Variants in ARFGEF2 observed in about 807,000 individuals in gnomAD.
ARFGEF2 encodes the protein ARF guanine nucleotide exchange factor 2.
A neutral mutation model predicts 219.9 loss-of-function variants in ARFGEF2; 74 were observed. That is an observed-to-expected ratio of 0.34 (90% CI 0.28 to 0.41). The LOEUF (loss-of-function observed/expected upper bound fraction) is 0.41. Among genes scored for constraint, ARFGEF2 ranks in the 10% least tolerant of loss-of-function variants. The probability of loss-of-function intolerance (pLI) is 1.00; values close to 1 mark genes in which losing one functional copy is unlikely to be tolerated. For missense variants in ARFGEF2, 1,743 were observed against 2,218.3 expected (o/e 0.79, Z 4.30); for synonymous variants, 733 against 799.2 (o/e 0.92, Z 1.40).
At chr20:48,956,308 C>A (rs571146524) in intron 6 of ARFGEF2, among the ~76,000 whole-genome samples, 2 of 152,182 alleles carry the variant, frequency 1.3e-5, no homozygotes, top group Admixed American at 6.5e-5. Context: ...GGAATCCCCC[C>A]CACAGCCTTC....
At chr20:48,932,048 G>A (rs1190386812) in intron 1 of ARFGEF2, among the ~76,000 whole-genome samples, 1 of 152,138 alleles carries the variant, frequency 6.6e-6, no homozygotes, top group African/African-American at 2.4e-5. Context: ...CTTGGCCTAG[G>A]GTGATAGTGG....
chr20:48,962,057 G>C (rs577663053), intron 6 of ARFGEF2, among the ~76,000 whole-genome samples: 1 of 140,104 alleles, frequency 7.1e-6, no homozygotes, highest in Admixed American at 7.2e-5. Context: ...GCTCATGCCT[G>C]TAATCCCAGC....
At chr20:48,981,591 C>T (rs974795260) in intron 14 of ARFGEF2, among the ~76,000 whole-genome samples, 1 of 152,206 alleles carries the variant, frequency 6.6e-6, no homozygotes, top group African/African-American at 2.4e-5. Flanking sequence ...AACTTGGTTC[C>T]ATTCTCCCTG....
At chr20:49,015,789 T>C (rs2091526185) in intron 30 of ARFGEF2, among the ~76,000 whole-genome samples, 1 of 152,220 alleles carries the variant, frequency 6.6e-6, no homozygotes. Context: ...ATTGAAAAAG[T>C]GTTTCAAACT....
chr20:48,925,548 A>G (rs183959363), intron 1 of ARFGEF2, among the ~76,000 whole-genome samples: 175 of 152,354 alleles, frequency 1.1e-3, no homozygotes, highest in African/African-American at 3.9e-3. Context: ...GGAAAAATTT[A>G]TCTATGGCTG....
In ARFGEF2 at chr20:48,995,889, AT is replaced by A; in HGVS notation, c.3221+11del. The A allele has an allele frequency of 6.2e-7, 1 of 1,613,544 alleles. No homozygotes were observed. The highest frequency in any genetic ancestry group is 8.5e-7 in the Non-Finnish European group (1 of 1,179,544). ...TGGTTGTAGCTGTGGACAGGTAATG[AT>A]TTTATTCTTCAGTGACCCTGAACTA... On this transcript the variant is annotated splice_region_variant and intron_variant, in intron 23 of 38. Transcript: ENST00000371917.
chr20:48,951,617 G>A, intron 4 of ARFGEF2, 148 bp downstream of exon 4: 2 of 1,153,748 alleles, frequency 1.7e-6, no homozygotes, highest in Non-Finnish European at 2.5e-6. Flanking sequence ...TCTTTTGTTA[G>A]GTGTCAGAAT....
At chr20:49,008,709 T>G (rs1156571352) in intron 26 of ARFGEF2, among the ~76,000 whole-genome samples, 1 of 139,388 alleles carries the variant, frequency 7.2e-6, no homozygotes, top group East Asian at 2.0e-4. Context: ...ATGTAAAGGT[T>G]TTTTTTTTTT....
intron 1 of ARFGEF2, among the ~76,000 whole-genome samples, chr20:48,938,853 G>A (rs1481889617): frequency 6.6e-6 from 1 of 152,110 alleles, no homozygotes; most frequent in African/African-American, 2.4e-5. Context: ...GGGTGGAGAG[G>A]GGGTCCTGTC....
At chr20:48,930,737 A>C (rs906501695) in intron 1 of ARFGEF2, among the ~76,000 whole-genome samples, 1 of 152,148 alleles carries the variant, frequency 6.6e-6, no homozygotes, top group South Asian at 2.1e-4. Flanking sequence ...CCTGATGTTC[A>C]TAAGAGAGGT....
chr20:49,022,930 C>A, intron 34 of ARFGEF2, 121 bp from the exon 35 acceptor site: 1 of 1,344,422 alleles, frequency 7.4e-7, no homozygotes, highest in Non-Finnish European at 1.0e-6. Flanking sequence ...GCCTGGAGAA[C>A]GTAGTGAGAC....
At chr20:49,025,522 C>A in intron 36 of ARFGEF2, 41 bp downstream of exon 36, 2 of 1,610,960 alleles carry the variant, frequency 1.2e-6, no homozygotes, top group South Asian at 2.2e-5. Context: ...CCACACTGGT[C>A]ACCTTCCTAA....
chr20:48,940,154 G>A (rs1160787478), intron 1 of ARFGEF2, among the ~76,000 whole-genome samples: 2 of 152,178 alleles, frequency 1.3e-5, no homozygotes, highest in Non-Finnish European at 2.9e-5. Context: ...TGTGATTTCT[G>A]AAAAATGACA....
intron 26 of ARFGEF2, among the ~76,000 whole-genome samples, chr20:49,005,608 G>T (rs542755841): frequency 2.6e-5 from 4 of 151,848 alleles, no homozygotes; most frequent in Non-Finnish European, 5.9e-5. Flanking sequence ...CATGGTGGCG[G>T]GCGCCTATAG....
At chr20:48,932,007 T>C (rs373801229) in intron 1 of ARFGEF2, among the ~76,000 whole-genome samples, 3 of 152,174 alleles carry the variant, frequency 2.0e-5, no homozygotes, top group East Asian at 3.9e-4. Flanking sequence ...TACAAGACCA[T>C]TGTGATGGCC....
chr20:48,951,450 T>C lies in ARFGEF2; in HGVS notation c.404T>C (p.Val135Ala), dbSNP rs1472399577. The C allele has an allele frequency of 6.2e-7, 1 of 1,614,198 alleles. No homozygotes were observed. The highest frequency in any genetic ancestry group is 2.2e-5 in the East Asian group (1 of 44,886). The change falls in exon 4 of 39, where the codon GTT becomes GCT. Residue 135 changes from valine to alanine, a missense_variant. Around this residue, in one of 5 missense-constraint regions of ARFGEF2, gnomAD observed 394 missense variants for 426.6 expected, o/e 0.92. Coordinates refer to ENST00000371917, the MANE Select transcript of ARFGEF2 (RefSeq NM_006420.3). ...CAGGGCCCTCAGACTGATGAAGGGG[T>C]TCAGTTACAAATAATTAAGGTATGC... ...CFQGPQTDEG[V>A]QLQIIKALLT...
rs775564236 is a variant in ARFGEF2, at chr20:49,017,336, A to G, written c.4403A>G (p.Asp1468Gly). ...GAGAAATTCAGTCCTGAAGTCTGGGATGAAACCTGCAACTGTATGTTGGAT... is the reference window on the plus strand; with the variant it reads ...GAGAAATTCAGTCCTGAAGTCTGGGGTGAAACCTGCAACTGTATGTTGGAT... ...NGEKFSPEVW[D>G]ETCNCMLDIF... Residue 1468 changes from aspartate to glycine, a missense_variant, in exon 32 of 39, where the codon GAT becomes GGT. This residue lies in a region of ARFGEF2 where 578 missense variants were observed against 664.0 expected (regional missense o/e 0.87). Transcript: ENST00000371917. The G allele has an allele frequency of 2.5e-6, 4 of 1,614,110 alleles. No homozygotes were observed. Among genetic ancestry groups the G allele is most frequent in the Admixed American group, 1.7e-5 (1 of 60,018 alleles).
Position 48,951,482 on chromosome 20 carries a change from G to A in ARFGEF2, c.423+13G>A. 2 of 1,614,090 alleles carry A rather than the reference G, an allele frequency of 1.2e-6. No individual in the cohort carries two copies. Among genetic ancestry groups the A allele is most frequent in the Non-Finnish European group, 1.7e-6 (2 of 1,179,982 alleles). ...ACAAATAATTAAGGTATGCCTATTT[G>A]TTTGCCTGTCTGGTTTTTAAATTAG... On this transcript the variant is annotated intron_variant, in intron 4 of 38. Coordinates refer to ENST00000371917, the MANE Select transcript of ARFGEF2 (RefSeq NM_006420.3).
At chr20:48,989,824 C>A in intron 20 of ARFGEF2, 140 bp downstream of exon 20, 1 of 1,321,356 alleles carries the variant, frequency 7.6e-7, no homozygotes, top group Non-Finnish European at 1.1e-6. Context: ...GACAAGAAAT[C>A]CGTAGCTTTG....
Sources: allele counts gnomAD v4.1 joint callset (sites outside exome capture counted in the v4.1 genomes callset), GRCh38; gene constraint gnomAD v4.1.1; regional missense constraint gnomAD v4.1.1; transcripts MANE v1.5; gene names NCBI Gene and HGNC (gene_info 2026-07-23, HGNC 2026-07-21).